The following PTPRT variants were observed in gnomAD, a reference collection of about 807,000 sequenced individuals.
PTPRT encodes the protein protein tyrosine phosphatase receptor type T.
A neutral mutation model predicts 176.8 loss-of-function variants in PTPRT; 56 were observed. That is an observed-to-expected ratio of 0.32 (90% CI 0.26 to 0.40). The LOEUF is 0.40. Among genes scored for constraint, PTPRT ranks in the 10% least tolerant of loss-of-function variants. The pLI, the probability that PTPRT is intolerant of heterozygous loss-of-function variation, is 1.00. For synonymous variants in PTPRT, 783 were observed against 739.0 expected, an observed-to-expected ratio of 1.06 and a Z score of -0.96; for missense variants, 1,540 against 1,908.2, an observed-to-expected ratio of 0.81 and a Z score of 3.60.
chr20:42,933,101 G>C (rs1364206972), intron 1 of PTPRT, among the ~76,000 whole-genome samples: 1 of 152,118 alleles, frequency 6.6e-6, no homozygotes, highest in Non-Finnish European at 1.5e-5. Flanking sequence ...TTCTGGACCA[G>C]ACTCCCCCAT....
intron 7 of PTPRT, among the ~76,000 whole-genome samples, chr20:42,576,206 A>T (rs1212233607): frequency 1.3e-5 from 2 of 152,024 alleles, no homozygotes; most frequent in Non-Finnish European, 2.9e-5. Flanking sequence ...CTCCATTAAC[A>T]ATTCCACCCT....
chr20:42,270,366 C>T (rs2056911821), intron 13 of PTPRT: 4 of 1,333,560 alleles, frequency 3.0e-6, no homozygotes, highest in African/African-American at 1.5e-5. Context: ...GCAACTCTCC[C>T]CTCCCACCCG....
intron 2 of PTPRT, among the ~76,000 whole-genome samples, chr20:42,799,309 A>T (rs1325050692): frequency 2.6e-5 from 4 of 152,084 alleles, no homozygotes; most frequent in African/African-American, 9.7e-5. Context: ...TAACATGTAA[A>T]CTACACGCAA....
intron 9 of PTPRT, among the ~76,000 whole-genome samples, chr20:42,402,878 G>A (rs1967650686): frequency 6.6e-6 from 1 of 152,082 alleles, no homozygotes; most frequent in Admixed American, 6.6e-5. Flanking sequence ...GCTTGTATAT[G>A]TTCATGCATG....
At chr20:42,307,613 G>A (rs2057562712) in intron 12 of PTPRT, among the ~76,000 whole-genome samples, 1 of 152,032 alleles carries the variant, frequency 6.6e-6, no homozygotes, top group African/African-American at 2.4e-5. Flanking sequence ...GAACTAACAC[G>A]AGAAATAAGA....
intron 6 of PTPRT, among the ~76,000 whole-genome samples, chr20:42,747,200 G>A (rs1334324211): frequency 1.3e-5 from 2 of 152,240 alleles, no homozygotes; most frequent in African/African-American, 4.8e-5. Flanking sequence ...CTCAGAGGTA[G>A]AAGGAAAACC....
At chr20:42,151,712 G>A (rs1361976784) in intron 17 of PTPRT, among the ~76,000 whole-genome samples, 3 of 152,140 alleles carry the variant, frequency 2.0e-5, no homozygotes, top group Admixed American at 1.3e-4. Flanking sequence ...AGATCCTTGA[G>A]GAATCGCCAC....
rs1326977161 is a variant in PTPRT, at chr20:42,073,363, A to G, written c.*7516T>C. 1 of 191,092 alleles carries G rather than the reference A, an allele frequency of 5.2e-6. No homozygotes were observed. Among genetic ancestry groups the G allele is most frequent in the African/African-American group, 2.3e-5 (1 of 43,016 alleles). 11.8% of individuals were successfully genotyped at this position (191,092 alleles called of 1,614,324 possible). ...GGGCTAGCTCAGGATCCACCTGGTG[A>G]TGAAATGTGTGCACTGGAAATGATT... On this transcript the variant is annotated 3_prime_UTR_variant, in exon 31 of 31. Coordinates refer to ENST00000373187, the MANE Select transcript of PTPRT (RefSeq NM_007050.6).
At chr20:42,759,029 C>T (rs761465718) in intron 5 of PTPRT, among the ~76,000 whole-genome samples, 7 of 152,028 alleles carry the variant, frequency 4.6e-5, no homozygotes, top group South Asian at 2.1e-4. Context: ...GGGAGAAAGG[C>T]GGGAAAATTC....
intron 7 of PTPRT, among the ~76,000 whole-genome samples, chr20:42,577,826 C>A (rs1004377475): frequency 6.9e-6 from 1 of 143,924 alleles, no homozygotes. Context: ...AACCTTCAGA[C>A]CTGAGCAAGG....
At chr20:42,406,462 G>A (rs1019749294) in intron 9 of PTPRT, among the ~76,000 whole-genome samples, 8 of 151,924 alleles carry the variant, frequency 5.3e-5, no homozygotes, top group Non-Finnish European at 1.0e-4. Context: ...AAATTCAACC[G>A]AGGAGAAGAA....
Position 42,538,134 on chromosome 20 carries a change from GA to G in PTPRT, c.1154-65573del, listed in dbSNP as rs368637542. Among the ~76,000 whole-genome samples, 575 of 145,114 alleles carry G rather than the reference GA, an allele frequency of 4.0e-3. 6 individuals carry two copies. Among genetic ancestry groups the G allele is most frequent in the African/African-American group, 0.013 (522 of 39,792 alleles). ...GGTGAGGCACAGAGATTATAAAAAA[GA>G]AAAAAAAAACAAAACAAATACACAT... On this transcript the variant is annotated intron_variant, in intron 7 of 30. Transcript: ENST00000373187.
chr20:42,143,541 A>G (rs1172205901), intron 17 of PTPRT, among the ~76,000 whole-genome samples: 2 of 146,476 alleles, frequency 1.4e-5, no homozygotes, highest in African/African-American at 2.5e-5. Flanking sequence ...TGGGCGACAG[A>G]GCGAGACTCT....
chr20:42,096,795 TCA>T (rs1336364830), intron 27 of PTPRT, among the ~76,000 whole-genome samples: 1 of 144,462 alleles, frequency 6.9e-6, no homozygotes, highest in African/African-American at 2.6e-5. Context: ...AGACAGGGTC[TCA>T]TGGTGTTGCC....
rs927048153 is a variant in PTPRT, at chr20:42,074,190, A to T, written c.*6689T>A. On this transcript the variant is annotated 3_prime_UTR_variant, in exon 31 of 31. Transcript: ENST00000373187. ...CCCTGGGGCCTTTGACCCAAAGAAC[A>T]CCTGACATTATTCATCTTCCATGGG... 1.3e-5 allele frequency: 3 copies of T among 227,858 alleles called. No homozygotes were observed. Among genetic ancestry groups the T allele is most frequent in the African/African-American group, 6.7e-5 (3 of 45,042 alleles). The allele number at this position is 227,858 out of a possible 1,614,324, so 14.1% of individuals were successfully genotyped here.
downstream of PTPRT, among the ~76,000 whole-genome samples, chr20:42,068,263 T>G (rs557407335): frequency 6.6e-6 from 1 of 152,186 alleles, no homozygotes; most frequent in East Asian, 1.9e-4. Context: ...AAAGGCACCA[T>G]GGACTTCCCA....
intron 7 of PTPRT, among the ~76,000 whole-genome samples, chr20:42,508,924 AATAAT>A (rs1274506424): frequency 5.5e-5 from 8 of 144,756 alleles, no homozygotes; most frequent in Non-Finnish European, 1.1e-4. Flanking sequence ...TATAAATATA[AATAAT>A]ATAATTTATA....
At chr20:42,072,692 T>C (rs1407812729), downstream of PTPRT, 4 of 189,526 alleles carry the variant, frequency 2.1e-5, no homozygotes, top group Non-Finnish European at 4.4e-5. Context: ...TTTTTTCTCC[T>C]CCTCCTTCAA....
intron 9 of PTPRT, among the ~76,000 whole-genome samples, chr20:42,437,737 G>C (rs541789016): frequency 6.6e-6 from 1 of 152,132 alleles, no homozygotes; most frequent in Admixed American, 6.6e-5. Flanking sequence ...GCTAGCTCCC[G>C]AGCTAATGAA....
Sources: allele counts gnomAD v4.1 joint callset (sites outside exome capture counted in the v4.1 genomes callset), GRCh38; gene constraint gnomAD v4.1.1; transcripts MANE v1.5; gene names NCBI Gene and HGNC (gene_info 2026-07-23, HGNC 2026-07-21).